Variants in KLF8 observed in about 807,000 individuals in gnomAD.
KLF8 encodes the protein Krueppel-like factor 8.
Under a neutral mutation model 18.2 loss-of-function variants are expected in KLF8, and 10 were observed. That is an observed-to-expected ratio of 0.55 (90% CI 0.34 to 0.93). KLF8 has a LOEUF of 0.93. KLF8 is among the 40% of genes least tolerant of loss of function. The pLI, the probability that KLF8 is intolerant of heterozygous loss-of-function variation, is 0.02. For missense variants in KLF8, 264 were observed against 277.9 expected, an observed-to-expected ratio of 0.95 and a Z score of 0.36; for synonymous variants, 109 against 97.3, an observed-to-expected ratio of 1.12 and a Z score of -0.71.
the KLF8 span, among the ~76,000 whole-genome samples, chrX:56,213,309 CTTTTCTTT>C: frequency 3.0e-4 from 7 of 23,471 alleles, no homozygotes; most frequent in Non-Finnish European, 2.4e-4. Flanking sequence ...CTTTTCTTTT[CTTTTCTTT>C]TTTTTTTTTT....
At chrX:56,219,503 A>G in the KLF8 span, among the ~76,000 whole-genome samples, 3 of 112,174 alleles carry the variant, frequency 2.7e-5, no homozygotes, top group African/African-American at 9.7e-5. Context: ...TATACTAAAA[A>G]TAACTTCCAT....
the KLF8 span, among the ~76,000 whole-genome samples, chrX:56,023,043 A>G: frequency 8.9e-6 from 1 of 111,870 alleles, no homozygotes; most frequent in African/African-American, 3.3e-5. Context: ...GGGGAATAAG[A>G]TGTCCATAAG....
the KLF8 span, among the ~76,000 whole-genome samples, chrX:55,976,437 A>G: frequency 9.0e-6 from 1 of 111,518 alleles, no homozygotes; most frequent in Non-Finnish European, 1.9e-5. Context: ...TAGATTTCAC[A>G]TATAAGTGAG....
At chrX:55,911,211 C>G in the KLF8 span, among the ~76,000 whole-genome samples, 3 of 111,470 alleles carry the variant, frequency 2.7e-5, no homozygotes, top group African/African-American at 6.5e-5. Context: ...TAATTCTTGC[C>G]ATCTTCATGT....
chrX:56,053,039 G>A, the KLF8 span, among the ~76,000 whole-genome samples: 28 of 111,710 alleles, frequency 2.5e-4, no homozygotes, highest in Admixed American at 1.8e-3. Flanking sequence ...TCCAGGTGCC[G>A]TCTGTCACCC....
At chrX:56,213,033 T>C in the KLF8 span, among the ~76,000 whole-genome samples, 1 of 111,696 alleles carries the variant, frequency 9.0e-6, no homozygotes, top group Admixed American at 9.5e-5. Context: ...CTGGCACTGA[T>C]GCATGAAATA....
At chrX:56,122,318 A>C in the KLF8 span, among the ~76,000 whole-genome samples, 4 of 112,122 alleles carry the variant, frequency 3.6e-5, no homozygotes, top group Admixed American at 9.5e-5. Flanking sequence ...CCCACTACTT[A>C]TCAGCTGAGT....
At chrX:56,103,555 T>G in the KLF8 span, among the ~76,000 whole-genome samples, 1 of 111,695 alleles carries the variant, frequency 9.0e-6, no homozygotes, top group African/African-American at 3.3e-5. Flanking sequence ...TTTTGCACAT[T>G]GATTTTGTAT....
At chrX:55,958,605 T>C in the KLF8 span, among the ~76,000 whole-genome samples, 2 of 111,999 alleles carry the variant, frequency 1.8e-5, no homozygotes, top group Admixed American at 1.9e-4. Flanking sequence ...CATGGAGATA[T>C]GCTTCATTCA....
chrX:56,049,502 T>C, the KLF8 span, among the ~76,000 whole-genome samples: 3 of 109,138 alleles, frequency 2.7e-5, no homozygotes, highest in Non-Finnish European at 5.7e-5. Context: ...GTCAAAGGCT[T>C]TTTCTGCATC....
chrX:56,227,358 T>C (rs1308570512), upstream of KLF8, among the ~76,000 whole-genome samples: 3 of 13,911 alleles, frequency 2.2e-4, no homozygotes, highest in Non-Finnish European at 3.9e-4. Context: ...GTCTTTTTCT[T>C]TTTTTTTTTT....
the KLF8 span, among the ~76,000 whole-genome samples, chrX:56,039,137 A>T: frequency 1.8e-5 from 2 of 111,913 alleles, no homozygotes; most frequent in Admixed American, 1.9e-4. Flanking sequence ...ACATTGCAAA[A>T]AGTTTCTACC....
the KLF8 span, among the ~76,000 whole-genome samples, chrX:56,180,927 A>G: frequency 2.7e-5 from 3 of 111,756 alleles, no homozygotes; most frequent in Non-Finnish European, 5.6e-5. Flanking sequence ...GCTGAGAAGA[A>G]TATATATTCT....
intron 1 of KLF8, among the ~76,000 whole-genome samples, chrX:56,244,575 T>C (rs1403631126): frequency 1.8e-5 from 2 of 112,131 alleles, no homozygotes; most frequent in Admixed American, 9.5e-5. Context: ...GATAGATAAA[T>C]AGATATAAAC....
At chrX:56,098,279 C>A in the KLF8 span, among the ~76,000 whole-genome samples, 1 of 111,842 alleles carries the variant, frequency 8.9e-6, no homozygotes, top group Non-Finnish European at 1.9e-5. Context: ...GCCAAATAAA[C>A]TTTTAAAAAA....
intron 1 of KLF8, among the ~76,000 whole-genome samples, chrX:56,237,847 T>C (rs1452268553): frequency 8.9e-6 from 1 of 111,965 alleles, no homozygotes; most frequent in African/African-American, 3.3e-5. Flanking sequence ...GAGGACTCTC[T>C]TTCTGACCTG....
At chrX:56,023,557 G>A in the KLF8 span, among the ~76,000 whole-genome samples, 9 of 111,381 alleles carry the variant, frequency 8.1e-5, no homozygotes, top group African/African-American at 2.9e-4. Context: ...AATGATAAAT[G>A]GGTCAATGAA....
chrX:56,071,781 G>C, the KLF8 span, among the ~76,000 whole-genome samples: 1 of 111,840 alleles, frequency 8.9e-6, no homozygotes, highest in Non-Finnish European at 1.9e-5. Flanking sequence ...AAATCTCCAG[G>C]ATTGTGAATC....
the KLF8 span, among the ~76,000 whole-genome samples, chrX:56,160,076 C>T: frequency 8.9e-6 from 1 of 111,832 alleles, no homozygotes; most frequent in Non-Finnish European, 1.9e-5. Flanking sequence ...CCCAGAGATT[C>T]TGGTATGTTG....
Sources: gnomAD v4.1 joint callset for allele counts (sites outside exome capture counted in the v4.1 genomes callset) on GRCh38, gnomAD v4.1.1 for gene constraint, MANE v1.5 for transcripts, NCBI Gene and HGNC (gene_info 2026-07-23, HGNC 2026-07-21) for gene names.